UIMC1: variants seen among roughly 807,000 people sequenced by gnomAD.
The protein encoded by UIMC1 is BRCA1-A complex subunit RAP80.
Under a neutral mutation model 84.9 loss-of-function variants are expected in UIMC1, and 42 were observed. The observed-to-expected ratio is 0.49, with a 90% confidence interval of 0.39 to 0.64. The LOEUF (loss-of-function observed/expected upper bound fraction) is 0.64, where lower values mean the gene tolerates loss of function less well. Ranked by LOEUF, UIMC1 falls within the 30% of genes least tolerant of loss-of-function variation. UIMC1 has a pLI of 0.00. For missense variants in UIMC1, 825 were observed against 847.6 expected (o/e 0.97, Z 0.33); for synonymous variants, 281 against 293.0 (o/e 0.96, Z 0.42).
At chr5:177,001,436 C>T (rs192022679) in intron 1 of UIMC1, 4 of 152,224 alleles carry the variant, frequency 2.6e-5, no homozygotes, top group African/African-American at 7.2e-5. Context: ...AGGTTGGAAG[C>T]TTCAACATAG....
At chr5:176,955,751 T>A (rs183893598) in intron 8 of UIMC1, among the ~76,000 whole-genome samples, 1 of 152,128 alleles carries the variant, frequency 6.6e-6, no homozygotes, top group Admixed American at 6.5e-5. Context: ...AAATTACCCC[T>A]AAGGAGAGAA....
intron 7 of UIMC1, among the ~76,000 whole-genome samples, chr5:176,956,793 CCA>C (rs1212536582): frequency 6.6e-6 from 1 of 151,754 alleles, no homozygotes; most frequent in African/African-American, 2.4e-5. Flanking sequence ...CAACCAAGAA[CCA>C]CAGAGAAGAC....
chr5:176,939,984 A>G (rs1364696925), intron 10 of UIMC1, among the ~76,000 whole-genome samples: 1 of 152,236 alleles, frequency 6.6e-6, no homozygotes, highest in Non-Finnish European at 1.5e-5. Context: ...ACTGAACAGC[A>G]TTAGACGGGG....
At chr5:176,945,701 G>A (rs954179346) in intron 9 of UIMC1, among the ~76,000 whole-genome samples, 4 of 152,180 alleles carry the variant, frequency 2.6e-5, no homozygotes, top group African/African-American at 7.2e-5. Flanking sequence ...GGCTATAAAC[G>A]CCCTCATCTT....
chr5:177,000,906 T>G lies in UIMC1; in HGVS notation c.-9+5744A>C, dbSNP rs114968547. Among the ~76,000 whole-genome samples the G allele has an allele frequency of 9.1e-3, 1,382 of 152,312 alleles. 7 individuals carry two copies. The highest frequency in any genetic ancestry group is 0.025 in the South Asian group (120 of 4,830). On this transcript the variant is annotated intron_variant, in intron 1 of 14. Coordinates refer to ENST00000511320, the MANE Select transcript of UIMC1 (RefSeq NM_001199298.2). ...AGTTGAGTTCCTTATACATTCCGGTTATTAATCCTTTGTCAGATGGGTAGT... is the reference window on the plus strand; with the variant it reads ...AGTTGAGTTCCTTATACATTCCGGTGATTAATCCTTTGTCAGATGGGTAGT...
chr5:176,907,564 T>C (rs1251878507), intron 12 of UIMC1, among the ~76,000 whole-genome samples: 1 of 152,188 alleles, frequency 6.6e-6, no homozygotes, highest in African/African-American at 2.4e-5. Context: ...GGCTTCCCCA[T>C]TTTAGTGTGT....
chr5:176,908,938 T>C (rs1195179901), intron 11 of UIMC1, among the ~76,000 whole-genome samples: 1 of 152,254 alleles, frequency 6.6e-6, no homozygotes, highest in African/African-American at 2.4e-5. Flanking sequence ...AGCAGTGGGA[T>C]GGTAATGAAA....
intron 10 of UIMC1, among the ~76,000 whole-genome samples, chr5:176,932,651 T>C (rs1338932708): frequency 6.6e-6 from 1 of 152,140 alleles, no homozygotes; most frequent in Non-Finnish European, 1.5e-5. Context: ...GCAAAATACA[T>C]GTATTTCACT....
intron 4 of UIMC1, 193 bp downstream of exon 4, chr5:176,970,549 T>G: frequency 1.3e-6 from 1 of 796,622 alleles, no homozygotes; most frequent in South Asian, 1.7e-5. Context: ...CTCTTTCATA[T>G]AGAATTAACA....
At position 176,955,851 on chromosome 5, in the gene UIMC1, T is replaced by C. The variant is rs572331997; in HGVS notation, c.1339+108A>G. 20 of 1,015,466 alleles carry C rather than the reference T, an allele frequency of 2.0e-5. No individual in the cohort carries two copies. In the East Asian group the frequency reaches 4.2e-4, roughly 21 times the overall value. The allele number at this position is 1,015,466 out of a possible 1,614,324, so 62.9% of individuals were successfully genotyped here. ...GAGACATGTACATACACGTATCAAT[T>C]ACATACAAACCTCCAGAGAGTAGGT... is the stretch of plus-strand genomic sequence containing the variant. On this transcript the variant is annotated intron_variant, in intron 8 of 14. Transcript: ENST00000511320.
At chr5:176,998,778 A>G (rs768864830) in intron 1 of UIMC1, among the ~76,000 whole-genome samples, 1 of 152,168 alleles carries the variant, frequency 6.6e-6, no homozygotes, top group Non-Finnish European at 1.5e-5. Flanking sequence ...AAAAAAAACA[A>G]AAACAAAACA....
intron 2 of UIMC1, among the ~76,000 whole-genome samples, chr5:176,978,309 C>CT (rs1256449755): frequency 6.6e-6 from 1 of 151,660 alleles, no homozygotes. Context: ...GGAGGCGGAG[C>CT]TTGCAGTGAG....
intron 8 of UIMC1, among the ~76,000 whole-genome samples, chr5:176,954,770 A>C (rs1243042490): frequency 6.6e-6 from 1 of 151,456 alleles, no homozygotes; most frequent in Non-Finnish European, 1.5e-5. Flanking sequence ...AAAAGAAAAA[A>C]GCCAACATAG....
intron 10 of UIMC1, among the ~76,000 whole-genome samples, chr5:176,914,230 T>C (rs1760686277): frequency 6.6e-6 from 1 of 152,142 alleles, no homozygotes; most frequent in South Asian, 2.1e-4. Flanking sequence ...CTCCTATTTG[T>C]TGAGATCATC....
At position 176,959,442 on chromosome 5, in the gene UIMC1, C is replaced by A. The variant is rs1026393980; in HGVS notation, c.1201-1288G>T. 5.3e-5 allele frequency among the ~76,000 whole-genome samples: 8 copies of A among 152,272 alleles called. No homozygotes were observed. The South Asian group carries it at 1.7e-3, about 32-fold the overall frequency. ...TTGTTTAAAAAAATTATTGGCCGGG[C>A]GCGGTGGCTCACGCCTGTAATCCCA... On this transcript the variant is annotated intron_variant, in intron 6 of 14. Coordinates refer to ENST00000511320, the MANE Select transcript of UIMC1 (RefSeq NM_001199298.2).
intron 9 of UIMC1, among the ~76,000 whole-genome samples, chr5:176,950,752 C>G (rs1237746146): frequency 2.0e-5 from 3 of 151,928 alleles, no homozygotes; most frequent in African/African-American, 7.3e-5. Context: ...CACCTGTAAT[C>G]CCAGCTACTC....
At chr5:176,975,891 A>G (rs1769984511) in intron 2 of UIMC1, among the ~76,000 whole-genome samples, 1 of 152,202 alleles carries the variant, frequency 6.6e-6, no homozygotes, top group African/African-American at 2.4e-5. Context: ...AAGAGGGTAA[A>G]TGAAAAATCC....
chr5:176,967,815 G>A (rs926629640), intron 6 of UIMC1, among the ~76,000 whole-genome samples: 2 of 151,636 alleles, frequency 1.3e-5, no homozygotes, highest in East Asian at 3.9e-4. Context: ...GAGGTTGGGG[G>A]ATCGCTTGAT....
intron 2 of UIMC1, among the ~76,000 whole-genome samples, chr5:176,977,244 G>C (rs1385662418): frequency 6.9e-6 from 1 of 145,798 alleles, no homozygotes; most frequent in Non-Finnish European, 1.5e-5. Context: ...AAAAAAAAGA[G>C]AGAGAGAGAA....
Sources: gnomAD v4.1 joint callset for allele counts (sites outside exome capture counted in the v4.1 genomes callset) on GRCh38, gnomAD v4.1.1 for gene constraint, MANE v1.5 for transcripts, NCBI Gene and HGNC (gene_info 2026-07-23, HGNC 2026-07-21) for gene names.